Variants in OR9Q1 observed in about 807,000 individuals in gnomAD.
OR9Q1 encodes the protein olfactory receptor family 9 subfamily Q member 1.
For missense variants in OR9Q1, 374 were observed against 378.8 expected (o/e 0.99, Z 0.11); for synonymous variants, 153 against 148.6 (o/e 1.03, Z -0.22).
chr11:58,061,354 C>A (rs1853379044), intron 2 of OR9Q1, among the ~76,000 whole-genome samples: 1 of 152,194 alleles, frequency 6.6e-6, no homozygotes, highest in Admixed American at 6.5e-5. Flanking sequence ...TCACTAATAG[C>A]AATTCCAACT....
chr11:58,129,856 T>TC (rs1297441351), intron 2 of OR9Q1, among the ~76,000 whole-genome samples: 3 of 152,068 alleles, frequency 2.0e-5, no homozygotes, highest in Non-Finnish European at 4.4e-5. Context: ...GCTTTTTTTT[T>TC]CTGTTTTTTT....
intron 1 of OR9Q1, among the ~76,000 whole-genome samples, chr11:58,034,155 G>A (rs769517240): frequency 1.1e-4 from 16 of 145,322 alleles, no homozygotes; most frequent in Non-Finnish European, 2.2e-4. Context: ...GCGTGATCTC[G>A]GCTCACTGCA....
At chr11:58,080,663 C>T (rs933922192) in intron 2 of OR9Q1, among the ~76,000 whole-genome samples, 1 of 152,050 alleles carries the variant, frequency 6.6e-6, no homozygotes, top group Non-Finnish European at 1.5e-5. Context: ...TGTTTTTTGA[C>T]TTTTTAATAA....
intron 1 of OR9Q1, among the ~76,000 whole-genome samples, chr11:58,040,156 A>T (rs552389577): frequency 3.3e-5 from 5 of 152,192 alleles, no homozygotes; most frequent in Admixed American, 6.5e-5. Context: ...CTGTACAGTG[A>T]TACCCTGAGT....
At chr11:58,127,102 A>G (rs1854097577) in intron 2 of OR9Q1, among the ~76,000 whole-genome samples, 1 of 152,130 alleles carries the variant, frequency 6.6e-6, no homozygotes, top group African/African-American at 2.4e-5. Flanking sequence ...GGCATGTGCC[A>G]CCACGCCCAG....
chr11:58,044,001 CT>C (rs1853191966), intron 1 of OR9Q1: 1 of 152,102 alleles, frequency 6.6e-6, no homozygotes, highest in Admixed American at 6.6e-5. Context: ...TGAATGACAT[CT>C]TAGTAAAATA....
rs1565062120 is a variant in OR9Q1, at chr11:58,053,628, AAATATATATATATATAAAT to A, written c.-92-2241_-92-2223del. On this transcript the variant is annotated intron_variant, in intron 1 of 2. Transcript: ENST00000335397. ...AAATTAAAAAATATATATATATATAAAATATATATATATATAAATTATATATATATAAAATATATATATA... is the reference window on the plus strand; with the variant it reads ...AAATTAAAAAATATATATATATATAATATATATATATAAAATATATATATA... Among the ~76,000 whole-genome samples, 98 of 27,408 alleles carry A rather than the reference AAATATATATATATATAAAT, an allele frequency of 3.6e-3. 2 individuals carry two copies. In the East Asian group the frequency reaches 0.23, roughly 64 times the overall value. The allele number at this position is 27,408 out of a possible 152,430, so 18.0% of individuals were successfully genotyped here. A position where few individuals can be genotyped will look rare whatever the true frequency, so the allele number is the denominator to read the frequency against.
intron 1 of OR9Q1, among the ~76,000 whole-genome samples, chr11:58,038,562 A>G (rs985175208): frequency 1.3e-5 from 2 of 152,176 alleles, no homozygotes; most frequent in African/African-American, 4.8e-5. Context: ...TACTCTGACC[A>G]TTCTGGGTAT....
At chr11:58,177,793 A>G (rs1027168560) in intron 2 of OR9Q1, among the ~76,000 whole-genome samples, 2 of 152,236 alleles carry the variant, frequency 1.3e-5, no homozygotes, top group Admixed American at 1.3e-4. Flanking sequence ...CTCATATATT[A>G]TTTGGTAACT....
intron 2 of OR9Q1, among the ~76,000 whole-genome samples, chr11:58,070,365 A>G (rs924744357): frequency 6.6e-6 from 1 of 152,004 alleles, no homozygotes; most frequent in Non-Finnish European, 1.5e-5. Flanking sequence ...GATGTACATT[A>G]TACTTTTCCC....
intron 2 of OR9Q1, among the ~76,000 whole-genome samples, chr11:58,110,697 G>A (rs1267159730): frequency 6.6e-6 from 1 of 152,222 alleles, no homozygotes; most frequent in African/African-American, 2.4e-5. Flanking sequence ...CTTCTCGACA[G>A]TACGCCTTCT....
At chr11:58,031,174 G>A (rs1853030082) in intron 1 of OR9Q1, 1 of 1,613,982 alleles carries the variant, frequency 6.2e-7, no homozygotes, top group Non-Finnish European at 8.5e-7. Context: ...TTGAAATCTG[G>A]TACACTTCTG....
chr11:58,081,027 C>G (rs1001499302), intron 2 of OR9Q1, among the ~76,000 whole-genome samples: 2 of 151,556 alleles, frequency 1.3e-5, no homozygotes, highest in African/African-American at 2.4e-5. Context: ...TCCATGTGTT[C>G]TCGTTGTTCA....
At chr11:58,055,178 C>T (rs1049249048) in intron 1 of OR9Q1, among the ~76,000 whole-genome samples, 6 of 152,030 alleles carry the variant, frequency 3.9e-5, no homozygotes, top group Admixed American at 3.9e-4. Context: ...AAAAGGGGAC[C>T]TACACCATAG....
chr11:58,160,435 ATATTTGT>A (rs1565093584), intron 2 of OR9Q1, among the ~76,000 whole-genome samples: 2 of 121,394 alleles, frequency 1.6e-5, no homozygotes, highest in African/African-American at 6.1e-5. Context: ...AATGAGTAGA[ATATTTGT>A]TGTTGTTGTT....
At chr11:58,069,889 CA>C (rs1307352581) in intron 2 of OR9Q1, among the ~76,000 whole-genome samples, 1 of 151,904 alleles carries the variant, frequency 6.6e-6, no homozygotes, top group East Asian at 1.9e-4. Context: ...AAAACCAAAC[CA>C]AACCAAACCA....
chr11:58,030,266 C>T (rs989462392), intron 1 of OR9Q1, among the ~76,000 whole-genome samples: 1 of 152,128 alleles, frequency 6.6e-6, no homozygotes, highest in African/African-American at 2.4e-5. Flanking sequence ...CAGCTTTTTC[C>T]TTTCCCTTAA....
At chr11:58,035,763 T>G (rs1026931526) in intron 1 of OR9Q1, among the ~76,000 whole-genome samples, 1 of 152,212 alleles carries the variant, frequency 6.6e-6, no homozygotes, top group Non-Finnish European at 1.5e-5. Context: ...ATCATTTCAT[T>G]TATTGACTAT....
At chr11:58,174,223 A>G (rs1854581880) in intron 2 of OR9Q1, among the ~76,000 whole-genome samples, 2 of 152,162 alleles carry the variant, frequency 1.3e-5, no homozygotes, top group Admixed American at 6.5e-5. Context: ...GTGCTTGTGT[A>G]ATGGGGCTTT....
Sources: allele counts gnomAD v4.1 joint callset (sites outside exome capture counted in the v4.1 genomes callset), GRCh38; gene constraint gnomAD v4.1.1; transcripts MANE v1.5; gene names NCBI Gene and HGNC (gene_info 2026-07-23, HGNC 2026-07-21).